The following USP34 variants were observed in gnomAD, a reference collection of about 807,000 sequenced individuals.
The protein encoded by USP34 is ubiquitin carboxyl-terminal hydrolase 34.
In USP34, 70 loss-of-function variants were observed where a neutral mutation model predicts 460.3. That is an observed-to-expected ratio of 0.15 (90% CI 0.13 to 0.19). USP34 has a LOEUF of 0.19. USP34 is among the 10% of genes least tolerant of loss of function. USP34 has a pLI of 1.00. For missense variants in USP34, 3,985 were observed against 4,236.2 expected (o/e 0.94, Z 1.65); for synonymous variants, 1,647 against 1,405.3 (o/e 1.17, Z -3.85).
chr2:61,210,646 T>C (rs1687248824), intron 69 of USP34, among the ~76,000 whole-genome samples: 1 of 152,218 alleles, frequency 6.6e-6, no homozygotes. Context: ...AAAAATGTTG[T>C]TATAGACTAC....
At position 61,241,621 on chromosome 2, in the gene USP34, A is replaced by G. The variant is rs770959333; in HGVS notation, c.6716T>C (p.Met2239Thr). 1 of 1,609,880 alleles carries G rather than the reference A, an allele frequency of 6.2e-7. No individual in the cohort carries two copies. The highest frequency in any genetic ancestry group is 1.7e-4 in the Middle Eastern group (1 of 6,048). Residue 2239 changes from methionine (M) to threonine (T), a missense_variant, in exon 53 of 80, where the codon ATG (methionine) becomes ACG (threonine). By Grantham distance (81) the Met-to-Thr change is moderately conservative (BLOSUM62 -1). Transcript: ENST00000398571. ...HSAYMLFYKRMEPEEENGREY... is the reference protein window; with the variant it reads ...HSAYMLFYKRTEPEEENGREY... ...TCTGCCATTTTCTTCCTCTGGTTCC[A>G]TGCGTTTGTAAAACAGCATATATGC...
At chr2:61,388,194 G>T (rs969302496) in intron 5 of USP34, among the ~76,000 whole-genome samples, 2 of 152,038 alleles carry the variant, frequency 1.3e-5, no homozygotes, top group Admixed American at 6.6e-5. Flanking sequence ...AACGAATTGA[G>T]ATCACCCCAA....
chr2:61,359,108 AC>A (rs1394708486), intron 10 of USP34, among the ~76,000 whole-genome samples: 2 of 152,198 alleles, frequency 1.3e-5, no homozygotes, highest in African/African-American at 4.8e-5. Context: ...TCAAATTCAT[AC>A]AGAATTGCAA....
chr2:61,257,201 A>G lies in USP34; in HGVS notation c.5991+3T>C, dbSNP rs1304473143. ...AGAAACTTTTCAGTATTCTGATACT[A>G]ACCAGTTCGGGAGACATTTCTTCGA... On this transcript the variant is annotated splice_donor_region_variant and intron_variant, in intron 45 of 79. Transcript: ENST00000398571. The G allele has an allele frequency of 3.1e-6, 5 of 1,604,676 alleles. No homozygotes were observed. The Admixed American group carries it at 6.9e-5, about 22-fold the overall frequency.
intron 3 of USP34, among the ~76,000 whole-genome samples, chr2:61,404,644 C>G (rs1693816540): frequency 6.6e-6 from 1 of 152,196 alleles, no homozygotes; most frequent in Non-Finnish European, 1.5e-5. Context: ...CCACTACCAA[C>G]TGCCACACAC....
In USP34 at chr2:61,317,738, G is replaced by A. The variant is rs371148642; in HGVS notation, c.3198C>T (p.Ser1066=). The change falls in exon 23 of 80, where the codon AGC becomes AGT. Residue 1066 remains serine (S), a synonymous_variant. Transcript: ENST00000398571. The part of the protein sequence containing the change: ...KMPQLKPETI[S]MTGLNLFQHL... ...GCTGAAACAGGTTTAAGCCAGTCAT[G>A]CTAATTGTTTCAGGTTTTAGCTGGG... 1.1e-4 allele frequency: 182 copies of A among 1,613,930 alleles called. No homozygotes were observed. The highest frequency in any genetic ancestry group is 1.4e-4 in the Non-Finnish European group (170 of 1,180,006).
At chr2:61,329,882 G>T (rs1175984744) in intron 20 of USP34, among the ~76,000 whole-genome samples, 2 of 152,090 alleles carry the variant, frequency 1.3e-5, no homozygotes, top group Non-Finnish European at 2.9e-5. Flanking sequence ...CTAGAGCTAG[G>T]TCTGCATGAT....
At position 61,343,826 on chromosome 2, in the gene USP34, T is replaced by C; in HGVS notation, c.2489A>G (p.His830Arg). The change falls in exon 16 of 80, where the codon CAT (histidine) becomes CGT (arginine). Residue 830 changes from histidine (H) to arginine (R), a missense_variant. His to Arg is a conservative substitution (Grantham distance 29). Transcript: ENST00000398571. ...LPNLASIYHE[H>R]LSQGPVVHKH... Reference sequence around the variant, plus strand: ...CTGTAGAGTCTTACCTTGACTAAGATGTTCATGGTAAATGGAAGCTAAATT... The same window carrying C: ...CTGTAGAGTCTTACCTTGACTAAGACGTTCATGGTAAATGGAAGCTAAATT... 1 of 1,613,934 alleles carries C rather than the reference T, an allele frequency of 6.2e-7. No homozygotes were observed. Among genetic ancestry groups the C allele is most frequent in the Non-Finnish European group, 8.5e-7 (1 of 1,179,850 alleles).
At chr2:61,315,138 G>A (rs1427752203) in intron 23 of USP34, among the ~76,000 whole-genome samples, 164 bp from the exon 24 acceptor site, 1 of 152,038 alleles carries the variant, frequency 6.6e-6, no homozygotes, top group African/African-American at 2.4e-5. Flanking sequence ...AAATACACCT[G>A]TACTAGTTCT....
At chr2:61,394,143 T>G (rs1159756335) in intron 5 of USP34, among the ~76,000 whole-genome samples, 1 of 152,078 alleles carries the variant, frequency 6.6e-6, no homozygotes, top group Non-Finnish European at 1.5e-5. Context: ...AAAAGTATCT[T>G]TCTTTCCATA....
At chr2:61,467,482 AT>A (rs2104123036) in intron 1 of USP34, among the ~76,000 whole-genome samples, 1 of 151,694 alleles carries the variant, frequency 6.6e-6, no homozygotes, top group African/African-American at 2.4e-5. Context: ...CTAATTACGT[AT>A]TTTTCAGCAT....
intron 43 of USP34, among the ~76,000 whole-genome samples, chr2:61,262,182 C>T (rs1688909841): frequency 7.6e-6 from 1 of 131,076 alleles, no homozygotes; most frequent in African/African-American, 2.9e-5. Context: ...CACAGGTCTC[C>T]TTTTTTTTTT....
intron 18 of USP34, among the ~76,000 whole-genome samples, chr2:61,336,735 G>A (rs970873002): frequency 2.7e-5 from 4 of 147,658 alleles, no homozygotes; most frequent in African/African-American, 7.5e-5. Context: ...ACTTGAACCC[G>A]GGAGGCAGAG....
At chr2:61,257,011 A>G in intron 46 of USP34, 41 bp downstream of exon 46, 1 of 1,443,520 alleles carries the variant, frequency 6.9e-7, no homozygotes, top group African/African-American at 1.4e-5. Context: ...ATGAAAATAT[A>G]TTAAGATCTC....
intron 1 of USP34, among the ~76,000 whole-genome samples, chr2:61,439,454 C>G (rs942744609): frequency 6.6e-6 from 1 of 152,170 alleles, no homozygotes; most frequent in Non-Finnish European, 1.5e-5. Flanking sequence ...ATCCTGTCTC[C>G]CCTGCTGTAT....
intron 4 of USP34, 80 bp downstream of exon 4, chr2:61,395,103 A>G: frequency 6.9e-7 from 1 of 1,448,252 alleles, no homozygotes. Flanking sequence ...AAAGACATAT[A>G]TAAATAATAA....
intron 1 of USP34, among the ~76,000 whole-genome samples, chr2:61,451,525 A>C (rs1374025577): frequency 6.6e-6 from 1 of 151,956 alleles, no homozygotes; most frequent in East Asian, 1.9e-4. Context: ...TCTACTAAAA[A>C]TGCAAACTTA....
chr2:61,454,283 G>C (rs946600714), intron 1 of USP34, among the ~76,000 whole-genome samples: 11 of 151,806 alleles, frequency 7.2e-5, no homozygotes, highest in African/African-American at 2.7e-4. Flanking sequence ...GTGCCATCAT[G>C]CTCAGCTAGG....
chr2:61,386,133 G>A (rs1037533872), intron 5 of USP34, among the ~76,000 whole-genome samples: 2 of 152,022 alleles, frequency 1.3e-5, no homozygotes, highest in Admixed American at 6.6e-5. Flanking sequence ...GGTATACTAT[G>A]CCAAAGAGCC....
Sources: allele counts gnomAD v4.1 joint callset (sites outside exome capture counted in the v4.1 genomes callset), GRCh38; gene constraint gnomAD v4.1.1; transcripts MANE v1.5; gene names NCBI Gene and HGNC (gene_info 2026-07-23, HGNC 2026-07-21).